The following RASGRF2 variants were observed in gnomAD, a reference collection of about 807,000 sequenced individuals.
The protein encoded by RASGRF2 is Ras protein specific guanine nucleotide releasing factor 2.
A neutral mutation model predicts 151.0 loss-of-function variants in RASGRF2; 76 were observed. The observed-to-expected ratio is 0.50, with a 90% confidence interval of 0.42 to 0.61. The LOEUF (loss-of-function observed/expected upper bound fraction) is 0.61, where lower values mean the gene tolerates loss of function less well. Among genes scored for constraint, RASGRF2 ranks in the 20% least tolerant of loss-of-function variants. The pLI is 0.00. For synonymous variants in RASGRF2, 504 were observed against 566.5 expected (o/e 0.89, Z 1.57); for missense variants, 1,148 against 1,564.6 (o/e 0.73, Z 4.49).
intron 1 of RASGRF2, 148 bp downstream of exon 1, chr5:80,961,174 C>A: frequency 2.2e-6 from 2 of 902,756 alleles, no homozygotes; most frequent in Middle Eastern, 3.6e-4. Flanking sequence ...CGGGACATCT[C>A]CACGCTCCTT....
At chr5:80,994,691 C>G (rs1465778657) in intron 1 of RASGRF2, among the ~76,000 whole-genome samples, 1 of 152,164 alleles carries the variant, frequency 6.6e-6, no homozygotes, top group Non-Finnish European at 1.5e-5. Context: ...CTTGTATTCA[C>G]TGATGTGAGA....
At chr5:81,113,001 C>A in intron 14 of RASGRF2, 143 bp downstream of exon 14, 1 of 1,107,230 alleles carries the variant, frequency 9.0e-7, no homozygotes, top group Non-Finnish European at 1.3e-6. Context: ...GCCCCTCCAG[C>A]AGAAGGCCAT....
chr5:81,046,071 G>T (rs868866948), intron 2 of RASGRF2, among the ~76,000 whole-genome samples: 27 of 152,062 alleles, frequency 1.8e-4, no homozygotes, highest in African/African-American at 6.0e-4. Context: ...TGGTTTTATT[G>T]ATCCTTTTTT....
intron 2 of RASGRF2, among the ~76,000 whole-genome samples, chr5:81,059,573 G>A (rs1317816334): frequency 2.6e-5 from 4 of 151,782 alleles, no homozygotes; most frequent in Admixed American, 1.3e-4. Context: ...TGGGCTGGGC[G>A]CGGTGGCTCA....
In RASGRF2 at chr5:81,192,872, C is replaced by T. The variant is rs114224367; in HGVS notation, c.2794-8458C>T. ...CTAACTCTACACCACAATTTAAATTCTTCATCTTGTGTAGTCAAGACAGAA... is the reference window on the plus strand; with the variant it reads ...CTAACTCTACACCACAATTTAAATTTTTCATCTTGTGTAGTCAAGACAGAA... On this transcript the variant is annotated intron_variant, in intron 18 of 26. Coordinates refer to ENST00000265080, the MANE Select transcript of RASGRF2 (RefSeq NM_006909.3). Among the ~76,000 whole-genome samples, 1,172 of 152,260 alleles carry T rather than the reference C, an allele frequency of 7.7e-3. 6 individuals are homozygous for T. The highest frequency in any genetic ancestry group is 0.011 in the Non-Finnish European group (776 of 68,016).
chr5:81,213,668 G>A (rs1210741669), intron 23 of RASGRF2, among the ~76,000 whole-genome samples: 1 of 151,990 alleles, frequency 6.6e-6, no homozygotes, highest in African/African-American at 2.4e-5. Context: ...TTTAGCATAG[G>A]AGAACAATTT....
At chr5:81,146,653 T>TA (rs1754014085) in intron 17 of RASGRF2, among the ~76,000 whole-genome samples, 1 of 152,122 alleles carries the variant, frequency 6.6e-6, no homozygotes, top group Non-Finnish European at 1.5e-5. Context: ...AAGTGGGAAT[T>TA]CTAAAATTTG....
chr5:81,163,533 C>T (rs929589766), intron 17 of RASGRF2, among the ~76,000 whole-genome samples: 1 of 151,996 alleles, frequency 6.6e-6, no homozygotes, highest in Non-Finnish European at 1.5e-5. Flanking sequence ...TCTGCAGACC[C>T]CCCAAACTCA....
chr5:80,977,237 T>C (rs1298578735), intron 1 of RASGRF2, among the ~76,000 whole-genome samples: 1 of 152,168 alleles, frequency 6.6e-6, no homozygotes, highest in Non-Finnish European at 1.5e-5. Flanking sequence ...TCCATTTGGA[T>C]GAATGGTACC....
intron 3 of RASGRF2, among the ~76,000 whole-genome samples, chr5:81,069,520 G>A (rs1201616637): frequency 6.6e-6 from 1 of 152,190 alleles, no homozygotes; most frequent in Non-Finnish European, 1.5e-5. Flanking sequence ...ACCAGGCGAT[G>A]TTCCTCAATA....
chr5:81,119,740 G>A (rs1444379984), intron 15 of RASGRF2, among the ~76,000 whole-genome samples: 1 of 152,208 alleles, frequency 6.6e-6, no homozygotes, highest in Non-Finnish European at 1.5e-5. Context: ...GGGAACCTGT[G>A]AATAACAGTA....
At chr5:81,180,705 G>C (rs118143278) in intron 18 of RASGRF2, among the ~76,000 whole-genome samples, 1 of 132,252 alleles carries the variant, frequency 7.6e-6, no homozygotes, top group Non-Finnish European at 1.6e-5. Context: ...CAAACCTCAC[G>C]GTCCCCCCTG....
chr5:81,032,623 A>G (rs910722544), intron 1 of RASGRF2, among the ~76,000 whole-genome samples: 15 of 152,176 alleles, frequency 9.9e-5, no homozygotes, highest in African/African-American at 3.4e-4. Flanking sequence ...CTCTCAATAA[A>G]CGAGGTATTG....
intron 2 of RASGRF2, among the ~76,000 whole-genome samples, chr5:81,054,032 G>C (rs896739400): frequency 6.6e-6 from 1 of 152,174 alleles, no homozygotes; most frequent in African/African-American, 2.4e-5. Context: ...TTAGCCCTTT[G>C]TCAGATGAGT....
chr5:81,093,568 T>C (rs1015369715), intron 10 of RASGRF2, among the ~76,000 whole-genome samples: 1 of 152,154 alleles, frequency 6.6e-6, no homozygotes, highest in African/African-American at 2.4e-5. Context: ...TGCACTGCCA[T>C]GCCCATCTAA....
chr5:81,148,486 A>T (rs1222965123), intron 17 of RASGRF2, among the ~76,000 whole-genome samples: 1 of 152,116 alleles, frequency 6.6e-6, no homozygotes, highest in Non-Finnish European at 1.5e-5. Context: ...ATACTGATTG[A>T]TATACATAGA....
At chr5:81,052,710 G>C (rs1751052002) in intron 2 of RASGRF2, among the ~76,000 whole-genome samples, 1 of 152,178 alleles carries the variant, frequency 6.6e-6, no homozygotes, top group South Asian at 2.1e-4. Flanking sequence ...TGACAGTAAT[G>C]CTGAAGGGGT....
At chr5:81,156,082 T>C (rs958067164) in intron 17 of RASGRF2, among the ~76,000 whole-genome samples, 2 of 151,094 alleles carry the variant, frequency 1.3e-5, no homozygotes, top group African/African-American at 4.9e-5. Flanking sequence ...CTACAACAAA[T>C]GAGATGAAAT....
chr5:81,152,282 A>T (rs903474504), intron 17 of RASGRF2, among the ~76,000 whole-genome samples: 1 of 152,216 alleles, frequency 6.6e-6, no homozygotes, highest in African/African-American at 2.4e-5. Flanking sequence ...GATTACAGGC[A>T]TGAACCACTG....
Sources: gnomAD v4.1 joint callset for allele counts (sites outside exome capture counted in the v4.1 genomes callset) on GRCh38, gnomAD v4.1.1 for gene constraint, MANE v1.5 for transcripts, NCBI Gene and HGNC (gene_info 2026-07-23, HGNC 2026-07-21) for gene names.